IQCK: variants seen among roughly 807,000 people sequenced by gnomAD.
The protein encoded by IQCK is IQ motif containing K.
Under a neutral mutation model 28.1 loss-of-function variants are expected in IQCK, and 29 were observed. The observed-to-expected ratio is 1.03, with a 90% CI of 0.77 to 1.41. IQCK has a LOEUF of 1.41. Ranked by LOEUF, IQCK falls within the 40% of genes most tolerant of loss-of-function variation. The probability of loss-of-function intolerance (pLI) is 0.00; values close to 1 mark genes in which losing one functional copy is unlikely to be tolerated. For synonymous variants in IQCK, 113 were observed against 115.1 expected (o/e 0.98, Z 0.12); for missense variants, 359 against 314.7 (o/e 1.14, Z -1.07).
At chr16:19,770,675 T>G (rs1597543056) in intron 6 of IQCK, among the ~76,000 whole-genome samples, 1 of 152,008 alleles carries the variant, frequency 6.6e-6, no homozygotes, top group African/African-American at 2.4e-5. Context: ...CAGGGTGGAG[T>G]GCAGTTGTGA....
intron 4 of IQCK, among the ~76,000 whole-genome samples, chr16:19,760,830 C>G (rs1240497566): frequency 2.0e-5 from 3 of 152,112 alleles, no homozygotes; most frequent in Non-Finnish European, 4.4e-5. Context: ...CAGAGCAGCC[C>G]CGAGGGCTGC....
chr16:19,803,080 C>T (rs2055780598), intron 7 of IQCK, among the ~76,000 whole-genome samples: 1 of 152,116 alleles, frequency 6.6e-6, no homozygotes, highest in Non-Finnish European at 1.5e-5. Flanking sequence ...TTCAACTGGT[C>T]ACAGTGAGAA....
At chr16:19,826,920 C>A in intron 7 of IQCK, 106 bp from the exon 8 acceptor site, 1 of 740,730 alleles carries the variant, frequency 1.4e-6, no homozygotes, top group South Asian at 1.6e-5. Context: ...CATTGAGAAT[C>A]AAAAGTACAT....
intron 4 of IQCK, among the ~76,000 whole-genome samples, chr16:19,750,956 A>G (rs944848703): frequency 5.1e-4 from 77 of 152,144 alleles, no homozygotes; most frequent in African/African-American, 1.8e-3. Flanking sequence ...GGTGTCAGAA[A>G]TGTGGAGGGC....
In IQCK at chr16:19,746,153, CAAAAAAA is replaced by C. The variant is rs1163809152; in HGVS notation, c.474+10717_474+10723del. On this transcript the variant is annotated intron_variant, in intron 4 of 7. Transcript: ENST00000564186. ...TGGGGGACAGAGTGAGACTATGTCT[CAAAAAAA>C]AAAAAAAAAAAAAGAGTCTAGCTTC... Among the ~76,000 whole-genome samples the C allele has an allele frequency of 3.5e-3, 200 of 57,964 alleles. 1 individual carries two copies. Among genetic ancestry groups the C allele is most frequent in the South Asian group, 6.8e-3 (12 of 1,756 alleles). 38.0% of individuals were successfully genotyped at this position (57,964 alleles called of 152,430 possible).
intron 7 of IQCK, among the ~76,000 whole-genome samples, chr16:19,826,727 T>G (rs769886862): frequency 6.6e-5 from 10 of 152,188 alleles, no homozygotes; most frequent in Admixed American, 1.3e-4. Flanking sequence ...TTTTACTTTT[T>G]AAAATGAGAT....
intron 1 of IQCK, among the ~76,000 whole-genome samples, chr16:19,729,339 C>T (rs1453310036): frequency 1.3e-5 from 2 of 152,008 alleles, no homozygotes; most frequent in African/African-American, 2.4e-5. Context: ...AACTCCTGAC[C>T]TAGTGATCCA....
At chr16:19,720,860 TA>T (rs774350375) in intron 1 of IQCK, among the ~76,000 whole-genome samples, 1 of 152,010 alleles carries the variant, frequency 6.6e-6, no homozygotes, top group Non-Finnish European at 1.5e-5. Context: ...CTACTAAAAA[TA>T]TAAAAACTAA....
chr16:19,836,292 T>TTGGC (rs1262756528), intron 9 of IQCK, among the ~76,000 whole-genome samples: 6 of 152,216 alleles, frequency 3.9e-5, no homozygotes, highest in Non-Finnish European at 5.9e-5. Context: ...ACTTCATGCC[T>TTGGC]TGGCACTGCC....
chr16:19,799,584 A>T (rs1242281551), intron 7 of IQCK, among the ~76,000 whole-genome samples: 3 of 97,996 alleles, frequency 3.1e-5, no homozygotes, highest in East Asian at 4.5e-4. Flanking sequence ...ATTTTATTTT[A>T]TATATATATA....
In IQCK at chr16:19,814,236, A is replaced by AC. The variant is rs1250339489; in HGVS notation, c.691-12790_691-12789insC. On this transcript the variant is annotated intron_variant, in intron 7 of 7. Transcript: ENST00000564186. ...ACTCTATCTCAAAAAAAAAAAAAAA[A>AC]AAAAAAAAAACCACAAAAATTGGCT... Among the ~76,000 whole-genome samples the AC allele has an allele frequency of 1.8e-3, 263 of 148,482 alleles. 7 individuals are homozygous for AC. Among genetic ancestry groups the AC allele is most frequent in the African/African-American group, 6.3e-3 (251 of 39,884 alleles).
At chr16:19,739,976 T>C (rs981655393) in intron 4 of IQCK, among the ~76,000 whole-genome samples, 45 of 152,184 alleles carry the variant, frequency 3.0e-4, no homozygotes, top group African/African-American at 9.4e-4. Flanking sequence ...CACAGAGAAG[T>C]TGAGCATTAC....
intron 9 of IQCK, among the ~76,000 whole-genome samples, chr16:19,846,997 G>C (rs1414934245): frequency 6.6e-6 from 1 of 152,100 alleles, no homozygotes; most frequent in East Asian, 1.9e-4. Context: ...GGAGTCAAAA[G>C]ATACCAAGAT....
intron 1 of IQCK, among the ~76,000 whole-genome samples, chr16:19,719,596 A>C (rs1977414281): frequency 6.6e-6 from 1 of 151,858 alleles, no homozygotes; most frequent in African/African-American, 2.4e-5. Flanking sequence ...TCCCCAAAAA[A>C]AAAAAAGTGT....
At chr16:19,724,687 C>T (rs918975020) in intron 1 of IQCK, among the ~76,000 whole-genome samples, 1 of 152,064 alleles carries the variant, frequency 6.6e-6, no homozygotes, top group Admixed American at 6.5e-5. Context: ...CGCCACCACA[C>T]CCGGCTAATT....
chr16:19,737,202 A>G (rs748324078), intron 4 of IQCK, among the ~76,000 whole-genome samples: 16 of 152,090 alleles, frequency 1.1e-4, no homozygotes, highest in Non-Finnish European at 2.2e-4. Context: ...CAGTAATTAC[A>G]GTGTAAACCC....
At chr16:19,854,796 G>A (rs539499562) in intron 9 of IQCK, among the ~76,000 whole-genome samples, 14 of 152,072 alleles carry the variant, frequency 9.2e-5, no homozygotes, top group African/African-American at 3.4e-4. Flanking sequence ...CAGCTAGTGG[G>A]ACAGTCTTTA....
chr16:19,772,403 A>T (rs1320196173), intron 6 of IQCK, among the ~76,000 whole-genome samples: 1 of 152,202 alleles, frequency 6.6e-6, no homozygotes, highest in Admixed American at 6.5e-5. Flanking sequence ...ACGGTATAAA[A>T]AATTGGAGAC....
intron 6 of IQCK, among the ~76,000 whole-genome samples, chr16:19,780,570 G>A (rs2055466705): frequency 6.6e-6 from 1 of 152,098 alleles, no homozygotes; most frequent in African/African-American, 2.4e-5. Context: ...ACGATTCAGG[G>A]GTCCCGGAAC....
Sources: gnomAD v4.1 joint callset for allele counts (sites outside exome capture counted in the v4.1 genomes callset) on GRCh38, gnomAD v4.1.1 for gene constraint, MANE v1.5 for transcripts, NCBI Gene and HGNC (gene_info 2026-07-23, HGNC 2026-07-21) for gene names.